The following CTNNA2 variants were observed in gnomAD, a reference collection of about 807,000 sequenced individuals.
CTNNA2 encodes the protein catenin alpha 2.
In CTNNA2, 42 loss-of-function variants were observed where a neutral mutation model predicts 101.0. The observed-to-expected ratio is 0.42, with a 90% CI of 0.32 to 0.54. The LOEUF is 0.54. CTNNA2 is among the 20% of genes least tolerant of loss of function. The pLI, the probability that CTNNA2 is intolerant of heterozygous loss-of-function variation, is 0.14. For missense variants in CTNNA2, 871 were observed against 1,223.1 expected (o/e 0.71, Z 4.29); for synonymous variants, 450 against 456.4 (o/e 0.99, Z 0.18).
At chr2:80,289,844 C>T (rs1270281608) in intron 7 of CTNNA2, among the ~76,000 whole-genome samples, 1 of 152,168 alleles carries the variant, frequency 6.6e-6, no homozygotes, top group Non-Finnish European at 1.5e-5. Context: ...CAAAAGTGTA[C>T]TTGCCTCCCT....
At chr2:80,143,565 A>G (rs1463702418) in intron 7 of CTNNA2, among the ~76,000 whole-genome samples, 2 of 152,154 alleles carry the variant, frequency 1.3e-5, no homozygotes, top group Admixed American at 6.6e-5. Flanking sequence ...CTCTTTCACC[A>G]AAGTCTCCCC....
intron 2 of CTNNA2, among the ~76,000 whole-genome samples, chr2:79,269,660 T>C (rs767956398): frequency 6.6e-6 from 1 of 152,140 alleles, no homozygotes; most frequent in East Asian, 1.9e-4. Context: ...TCAAAGGATA[T>C]CTTCTCCAGG....
intron 4 of CTNNA2, among the ~76,000 whole-genome samples, chr2:79,434,369 G>C (rs1016194273): frequency 2.0e-5 from 3 of 151,026 alleles, no homozygotes; most frequent in African/African-American, 7.3e-5. Context: ...GAATGAAAAA[G>C]AGAACATTCT....
chr2:80,167,576 A>G (rs1225960949), intron 7 of CTNNA2, among the ~76,000 whole-genome samples: 2 of 152,208 alleles, frequency 1.3e-5, no homozygotes, highest in Non-Finnish European at 2.9e-5. Context: ...TTCCCTCATA[A>G]CTGTCCTTGA....
At chr2:80,552,405 C>A (rs936852827) in intron 11 of CTNNA2, among the ~76,000 whole-genome samples, 32 of 152,078 alleles carry the variant, frequency 2.1e-4, no homozygotes, top group African/African-American at 7.0e-4. Context: ...TAATAAAGTA[C>A]AAATCTATTT....
At chr2:79,235,861 G>T (rs1674549612) in intron 2 of CTNNA2, among the ~76,000 whole-genome samples, 1 of 152,172 alleles carries the variant, frequency 6.6e-6, no homozygotes, top group South Asian at 2.1e-4. Context: ...GACCCACCTG[G>T]CTATCAGTGA....
In CTNNA2 at chr2:80,016,852, G is replaced by C. The variant is rs1385429164; in HGVS notation, c.1056+107055G>C. The stretch of plus-strand genomic sequence containing the variant: ...AAATGATAATCTGAGTTAATAGGAA[G>C]ACAGTATTCAACATTACCTTAAAAA... On this transcript the variant is annotated intron_variant, in intron 7 of 18. Coordinates refer to ENST00000402739, the MANE Select transcript of CTNNA2 (RefSeq NM_001282597.3). Among the ~76,000 whole-genome samples the C allele has an allele frequency of 3.3e-5, 5 of 152,134 alleles. No individual in the cohort carries two copies. In the South Asian group the frequency reaches 8.3e-4, roughly 25 times the overall value.
Position 80,303,420 on chromosome 2 carries a change from G to A in CTNNA2, c.1057-89791G>A, listed in dbSNP as rs1408771087. ...ACGCTGCGCAGGTTGGGCATGGGCC[G>A]GAAGGTGGTGTTGGGCAGTTGGGTG... On this transcript the variant is annotated intron_variant, in intron 7 of 18. Coordinates refer to ENST00000402739, the MANE Select transcript of CTNNA2 (RefSeq NM_001282597.3). The surrounding 1 kb of genome is among the most constrained non-coding windows in gnomAD (Gnocchi z 7.7). 3 of 1,614,214 alleles carry A rather than the reference G, an allele frequency of 1.9e-6. No homozygotes were observed. Among genetic ancestry groups the A allele is most frequent in the Admixed American group, 1.7e-5 (1 of 60,024 alleles).
In CTNNA2 at chr2:79,370,424, G is replaced by A. The variant is rs1048067893; in HGVS notation, c.-317-3407G>A. On this transcript the variant is annotated intron_variant, in intron 3 of 21. Transcript: ENST00000466387. The stretch of plus-strand genomic sequence containing the variant: ...CAAAACTCCTGAGTGAATATTTGCA[G>A]GTTGCCCTCCTTCATTTTCTTTAGA... 2.6e-5 allele frequency among the ~76,000 whole-genome samples: 4 copies of A among 152,174 alleles called. No individual in the cohort carries two copies. The East Asian group carries it at 7.7e-4, about 29-fold the overall frequency.
intron 7 of CTNNA2, among the ~76,000 whole-genome samples, chr2:80,368,091 A>C (rs1056516130): frequency 2.6e-5 from 4 of 152,190 alleles, no homozygotes; most frequent in African/African-American, 9.7e-5. Context: ...ACACAATATC[A>C]ATTTAGAATT....
At chr2:79,982,308 C>T (rs1691391469) in intron 7 of CTNNA2, among the ~76,000 whole-genome samples, 1 of 133,934 alleles carries the variant, frequency 7.5e-6, no homozygotes. Context: ...ATATATAAAA[C>T]ATATATAACA....
At chr2:79,888,322 C>T (rs1684046477) in intron 6 of CTNNA2, among the ~76,000 whole-genome samples, 1 of 152,176 alleles carries the variant, frequency 6.6e-6, no homozygotes, top group African/African-American at 2.4e-5. Context: ...TACCGCTTCA[C>T]TTTCCAGAAT....
chr2:80,250,696 G>A (rs1671699279), intron 7 of CTNNA2, among the ~76,000 whole-genome samples: 1 of 152,106 alleles, frequency 6.6e-6, no homozygotes, highest in Non-Finnish European at 1.5e-5. Context: ...CAGGGCTGTG[G>A]CTGAGGAGAA....
At chr2:79,937,726 G>A (rs1256298668) in intron 7 of CTNNA2, among the ~76,000 whole-genome samples, 1 of 152,188 alleles carries the variant, frequency 6.6e-6, no homozygotes, top group African/African-American at 2.4e-5. Flanking sequence ...AGGCTGGAGA[G>A]GCTTAAAGTA....
chr2:80,485,858 T>C (rs1296737133), intron 9 of CTNNA2, among the ~76,000 whole-genome samples: 1 of 152,130 alleles, frequency 6.6e-6, no homozygotes, highest in Non-Finnish European at 1.5e-5. Flanking sequence ...ACAGCAGTGG[T>C]TTTGAGTATT....
At chr2:79,717,510 C>T (rs1024718761) in intron 2 of CTNNA2, among the ~76,000 whole-genome samples, 4 of 152,090 alleles carry the variant, frequency 2.6e-5, no homozygotes, top group Admixed American at 6.5e-5. Flanking sequence ...GCCACAGCAG[C>T]GGCCAAGAGA....
intron 15 of CTNNA2, among the ~76,000 whole-genome samples, chr2:80,593,567 T>A (rs2149746853): frequency 6.6e-6 from 1 of 152,272 alleles, no homozygotes; most frequent in South Asian, 2.1e-4. Context: ...TTCAGTACAT[T>A]TACACTGTTG....
intron 13 of CTNNA2, among the ~76,000 whole-genome samples, chr2:80,580,377 C>G (rs1198295075): frequency 2.0e-5 from 3 of 152,134 alleles, no homozygotes; most frequent in Non-Finnish European, 4.4e-5. Flanking sequence ...TAACTCTACT[C>G]TTTTTAAGCA....
At chr2:80,048,017 G>A (rs1404286378) in intron 7 of CTNNA2, among the ~76,000 whole-genome samples, 2 of 152,112 alleles carry the variant, frequency 1.3e-5, no homozygotes, top group Non-Finnish European at 2.9e-5. Flanking sequence ...TTCATTAACA[G>A]TAGAGCCCTA....
Sources: allele counts gnomAD v4.1 joint callset (sites outside exome capture counted in the v4.1 genomes callset), GRCh38; gene constraint gnomAD v4.1.1; non-coding constraint Gnocchi (gnomAD v3.1); transcripts MANE v1.5; gene names NCBI Gene and HGNC (gene_info 2026-07-23, HGNC 2026-07-21).